The following ATP2B3 variants were observed in gnomAD, a reference collection of about 807,000 sequenced individuals.
ATP2B3 encodes the protein plasma membrane calcium-transporting ATPase 3.
A neutral mutation model predicts 70.8 loss-of-function variants in ATP2B3; 12 were observed. The ratio of observed to expected loss-of-function variants is 0.17; its 90% CI spans 0.11 to 0.27. ATP2B3 has a LOEUF of 0.27. Among genes scored for constraint, ATP2B3 ranks in the 10% least tolerant of loss-of-function variants. The pLI, the probability that ATP2B3 is intolerant of heterozygous loss-of-function variation, is 1.00. For missense variants in ATP2B3, 858 were observed against 1,118.5 expected (o/e 0.77, Z 3.32); for synonymous variants, 460 against 497.8 (o/e 0.92, Z 1.01).
intron 3 of ATP2B3, among the ~76,000 whole-genome samples, chrX:153,536,963 A>G (rs1244826252): frequency 8.9e-6 from 1 of 112,228 alleles, no homozygotes; most frequent in African/African-American, 3.2e-5. Context: ...TCTGGCAGGA[A>G]GGGGTGACCG....
Position 153,580,898 on chromosome X carries a change from A to G in ATP2B3, c.*600A>G, listed in dbSNP as rs1472018342. 8.8e-6 allele frequency: 1 copy of G among 113,834 alleles called. No individual in the cohort carries two copies. Among genetic ancestry groups the G allele is most frequent in the Non-Finnish European group, 1.8e-5 (1 of 54,220 alleles). The allele number at this position is 113,834 out of a possible 1,213,427, so 9.4% of individuals were successfully genotyped here. On this transcript the variant is annotated 3_prime_UTR_variant, in exon 22 of 22. Transcript: ENST00000263519. ...CCCGCCCTCTGCAAAAACTAGGCAC[A>G]TCCGCAGTGCGCATGTGTGTGCGTG... is the stretch of plus-strand genomic sequence containing the variant.
At chrX:153,568,916 C>G (rs781851346) in intron 21 of ATP2B3, among the ~76,000 whole-genome samples, 17 of 112,943 alleles carry the variant, frequency 1.5e-4, no homozygotes, top group East Asian at 8.4e-4. Context: ...GAGTCCCCAT[C>G]CCAGCCAAGG....
chrX:153,548,060 C>T (rs2090397235), intron 9 of ATP2B3, 61 bp downstream of exon 9: 4 of 1,143,805 alleles, frequency 3.5e-6, no homozygotes, highest in Non-Finnish European at 3.5e-6. Flanking sequence ...ATGCTGGGCT[C>T]CTGGAGATGA....
chrX:153,520,740 G>A lies in ATP2B3; in HGVS notation c.-127+2189G>A, dbSNP rs985454771. On this transcript the variant is annotated intron_variant, in intron 2 of 21. Coordinates refer to ENST00000263519, the MANE Select transcript of ATP2B3 (RefSeq NM_001001344.3). Reference sequence around the variant, plus strand: ...GGAATGTAGTCCATCAGGCTCCGGAGTCTGGTCTGTGCTTGTAGCCATTAG... The same window carrying A: ...GGAATGTAGTCCATCAGGCTCCGGAATCTGGTCTGTGCTTGTAGCCATTAG... Among the ~76,000 whole-genome samples the A allele has an allele frequency of 2.7e-5, 3 of 112,523 alleles. No individual in the cohort carries two copies. In the East Asian group the frequency reaches 8.4e-4, roughly 31 times the overall value.
intron 21 of ATP2B3, chrX:153,569,166 C>T (rs2090752560): frequency 2.7e-6 from 1 of 370,594 alleles, no homozygotes; most frequent in South Asian, 2.5e-5. Context: ...GACGGGCAGG[C>T]GGATGGAGCA....
intron 21 of ATP2B3, among the ~76,000 whole-genome samples, chrX:153,575,459 G>A (rs1403213138): frequency 8.0e-5 from 9 of 112,648 alleles, no homozygotes; most frequent in African/African-American, 2.6e-4. Flanking sequence ...ATGTGCCGGA[G>A]GCTGAGGGGT....
intron 21 of ATP2B3, among the ~76,000 whole-genome samples, chrX:153,573,311 G>A (rs61692825): frequency 0.085 from 9,591 of 112,311 alleles, 727 homozygotes; most frequent in African/African-American, 0.24. Flanking sequence ...AGGGCCCAGG[G>A]CGACATGCTC....
chrX:153,572,306 C>T (rs2090800615), intron 21 of ATP2B3, among the ~76,000 whole-genome samples: 1 of 113,078 alleles, frequency 8.8e-6, no homozygotes, highest in African/African-American at 3.2e-5. Context: ...AGTTTCCCAT[C>T]CTCTTTGCCT....
At chrX:153,538,783 C>T (rs2090233733) in intron 3 of ATP2B3, among the ~76,000 whole-genome samples, 1 of 113,150 alleles carries the variant, frequency 8.8e-6, no homozygotes, top group African/African-American at 3.2e-5. Flanking sequence ...TGTTCCTCCT[C>T]CCCGTCAATG....
intron 2 of ATP2B3, among the ~76,000 whole-genome samples, chrX:153,535,223 T>C (rs1446644639): frequency 8.9e-6 from 1 of 112,594 alleles, no homozygotes; most frequent in Admixed American, 9.3e-5. Flanking sequence ...ATGACAACTT[T>C]GCGATGCTCG....
intron 3 of ATP2B3, among the ~76,000 whole-genome samples, chrX:153,539,788 G>A (rs2090252641): frequency 8.8e-6 from 1 of 113,159 alleles, no homozygotes; most frequent in Non-Finnish European, 1.9e-5. Context: ...GCCAGAGGAG[G>A]GTGTCATCCC....
At chrX:153,546,320 G>A (rs782606500) in intron 8 of ATP2B3, among the ~76,000 whole-genome samples, 191 bp downstream of exon 8, 1 of 112,410 alleles carries the variant, frequency 8.9e-6, no homozygotes, top group South Asian at 3.7e-4. Flanking sequence ...GGGCTGCTCA[G>A]GGCATCCTGG....
intron 2 of ATP2B3, among the ~76,000 whole-genome samples, chrX:153,533,788 G>A (rs1229549571): frequency 8.9e-6 from 1 of 111,932 alleles, no homozygotes; most frequent in Non-Finnish European, 1.9e-5. Context: ...AGCCATGGCT[G>A]CACCAGTCAG....
chrX:153,570,743 C>A (rs888925980), intron 21 of ATP2B3, among the ~76,000 whole-genome samples: 4 of 111,532 alleles, frequency 3.6e-5, no homozygotes, highest in Non-Finnish European at 7.5e-5. Context: ...TTCTAGCAAG[C>A]CCCCGAAGCG....
In ATP2B3 at chrX:153,541,824, C is replaced by T; in HGVS notation, c.562C>T (p.Arg188Ter). The T allele has an allele frequency of 2.5e-6, 3 of 1,211,565 alleles. No homozygotes were observed. Among genetic ancestry groups the T allele is most frequent in the Admixed American group, 2.2e-5 (1 of 46,051 alleles). ...GAAGCAGTTCCGAGGCCTGCAGAGC[C>T]GAATTGAGCAGGAGCAGAAGTTCAC... ...KEKQFRGLQS[R>*]IEQEQKFTVI... Residue 188 changes from arginine (R) to a stop codon, truncating the protein, a stop_gained, in exon 5 of 22, where the codon CGA (arginine) becomes TGA (stop). Coordinates refer to ENST00000263519, the MANE Select transcript of ATP2B3 (RefSeq NM_001001344.3). LOFTEE classifies it high-confidence loss of function.
At chrX:153,537,966 C>A (rs1557004835) in intron 3 of ATP2B3, among the ~76,000 whole-genome samples, 1 of 112,798 alleles carries the variant, frequency 8.9e-6, no homozygotes, top group Admixed American at 9.3e-5. Context: ...GGTGGCTTGG[C>A]CTCTGACGGG....
intron 7 of ATP2B3, among the ~76,000 whole-genome samples, chrX:153,543,958 G>A (rs1230515567): frequency 9.1e-6 from 1 of 110,445 alleles, no homozygotes; most frequent in African/African-American, 3.3e-5. Flanking sequence ...GCGTGGGGGC[G>A]TGGGGCGGGC....
At chrX:153,523,693 T>G (rs1232667362) in intron 2 of ATP2B3, among the ~76,000 whole-genome samples, 2 of 19,362 alleles carry the variant, frequency 1.0e-4, no homozygotes, top group African/African-American at 2.8e-4. Context: ...CCTTCATTTT[T>G]TTTTTTTTTT....
rs781889000 is a variant in ATP2B3, at chrX:153,547,935, C to G, written c.1059C>G (p.Pro353=). ...EEREKKKANA[P]KKEKSVLQGK... Reference sequence around the variant, plus strand: ...GGGAGAAGAAGAAAGCCAACGCACCCAAAAAGGAGAAGTCTGTCCTTCAGG... The same window carrying G: ...GGGAGAAGAAGAAAGCCAACGCACCGAAAAAGGAGAAGTCTGTCCTTCAGG... The change falls in exon 9 of 22, where the codon CCC becomes CCG. Residue 353 remains proline (P), a synonymous_variant. Transcript: ENST00000263519. The G allele has an allele frequency of 2.5e-6, 3 of 1,210,583 alleles. No individual in the cohort carries two copies. In the South Asian group the frequency reaches 5.3e-5, roughly 21 times the overall value.
Sources: allele counts gnomAD v4.1 joint callset (sites outside exome capture counted in the v4.1 genomes callset), GRCh38; gene constraint gnomAD v4.1.1; transcripts MANE v1.5; gene names NCBI Gene and HGNC (gene_info 2026-07-23, HGNC 2026-07-21).